The following HYDIN variants were observed in gnomAD, a reference collection of about 807,000 sequenced individuals.
HYDIN encodes axonemal central pair apparatus protein HYDIN.
Under a neutral mutation model 403.9 loss-of-function variants are expected in HYDIN, and 132 were observed. The observed-to-expected ratio is 0.33, with a 90% CI of 0.28 to 0.38. The LOEUF (loss-of-function observed/expected upper bound fraction) is 0.38, where lower values mean the gene tolerates loss of function less well. Among genes scored for constraint, HYDIN ranks in the 10% least tolerant of loss-of-function variants. The pLI is 1.00. For synonymous variants in HYDIN, 1,202 were observed against 1,891.7 expected (o/e 0.64, Z 9.46); for missense variants, 2,827 against 5,009.5 (o/e 0.56, Z 13.15).
chr16:71,222,867 C>T (rs1228643873), intron 1 of HYDIN, among the ~76,000 whole-genome samples: 1 of 152,166 alleles, frequency 6.6e-6, no homozygotes, highest in East Asian at 1.9e-4. Flanking sequence ...GATACACATC[C>T]TATGCTCACG....
At chr16:70,911,392 T>C (rs533992771) in intron 47 of HYDIN, among the ~76,000 whole-genome samples, 16 of 151,096 alleles carry the variant, frequency 1.1e-4, no homozygotes, top group Admixed American at 2.0e-4. Context: ...TTTATGTTTT[T>C]GTTTGCTTTG....
chr16:70,899,893 A>G (rs2143748021), intron 53 of HYDIN, among the ~76,000 whole-genome samples: 1 of 151,422 alleles, frequency 6.6e-6, no homozygotes, highest in East Asian at 1.9e-4. Flanking sequence ...AACAGCCAAG[A>G]CAGTGCGTGG....
intron 85 of HYDIN, 96 bp downstream of exon 85, chr16:70,809,687 G>A: frequency 1.0e-6 from 1 of 985,706 alleles, no homozygotes; most frequent in East Asian, 2.4e-5. Flanking sequence ...GAGTCTCTCT[G>A]AGTCTCACAT....
chr16:70,925,342 A>G (rs188364243), intron 45 of HYDIN, among the ~76,000 whole-genome samples: 1 of 152,258 alleles, frequency 6.6e-6, no homozygotes, highest in African/African-American at 2.4e-5. Context: ...ATCTTTCTAC[A>G]TATGGCTAGC....
intron 1 of HYDIN, among the ~76,000 whole-genome samples, chr16:71,187,507 C>T (rs1757253324): frequency 6.6e-6 from 1 of 152,160 alleles, no homozygotes; most frequent in South Asian, 2.1e-4. Context: ...TGGTAGAACA[C>T]TTGCAACTTC....
intron 28 of HYDIN, among the ~76,000 whole-genome samples, chr16:70,982,514 G>C (rs552973888): frequency 1.5e-5 from 2 of 135,342 alleles, no homozygotes; most frequent in South Asian, 2.4e-4. Flanking sequence ...ATGAACCAAC[G>C]ATCACTTAAC....
intron 50 of HYDIN, among the ~76,000 whole-genome samples, chr16:70,904,531 G>GTTTTTTTTTTTTTT (rs1567802705): frequency 1.3e-4 from 3 of 22,746 alleles, no homozygotes; most frequent in Non-Finnish European, 2.4e-4. Flanking sequence ...AGGGAGTTTC[G>GTTTTTTTTTTTTTT]TTCTTGTTGC....
intron 62 of HYDIN, among the ~76,000 whole-genome samples, chr16:70,877,627 A>C (rs1330712122): frequency 6.6e-6 from 1 of 152,184 alleles, no homozygotes; most frequent in Non-Finnish European, 1.5e-5. Flanking sequence ...TCACACGTGC[A>C]GTTCAAAATA....
intron 1 of HYDIN, among the ~76,000 whole-genome samples, chr16:71,227,523 GACAA>G (rs1184396913): frequency 2.0e-5 from 3 of 152,012 alleles, no homozygotes; most frequent in Non-Finnish European, 4.4e-5. Flanking sequence ...ACCAATAACA[GACAA>G]ACAGAGAGCC....
chr16:70,808,093 G>A (rs1353397722), intron 85 of HYDIN, 31 bp from the exon 86 acceptor site: 5 of 1,570,588 alleles, frequency 3.2e-6, no homozygotes, highest in African/African-American at 2.7e-5. Flanking sequence ...CTCAGCTCAC[G>A]TGAGATCCTG....
At chr16:71,146,080 C>T (rs2085356999) in intron 7 of HYDIN, among the ~76,000 whole-genome samples, 1 of 151,970 alleles carries the variant, frequency 6.6e-6, no homozygotes, top group Non-Finnish European at 1.5e-5. Flanking sequence ...GCTCATGTGT[C>T]AAATGTATTA....
chr16:71,122,755 A>T (rs2084308723), intron 9 of HYDIN, among the ~76,000 whole-genome samples: 2 of 151,998 alleles, frequency 1.3e-5, no homozygotes, highest in African/African-American at 4.8e-5. Context: ...TATTACTTAT[A>T]TGGTAATAAA....
At chr16:71,186,945 AACAAAT>A in intron 1 of HYDIN, 27 bp from the exon 2 acceptor site, 1 of 1,504,198 alleles carries the variant, frequency 6.6e-7, no homozygotes, top group Non-Finnish European at 9.1e-7. Flanking sequence ...AATGTCTTAG[AACAAAT>A]ACAGTTAATT....
intron 9 of HYDIN, among the ~76,000 whole-genome samples, chr16:71,126,522 G>A (rs1292690216): frequency 6.6e-6 from 1 of 152,172 alleles, no homozygotes; most frequent in African/African-American, 2.4e-5. Flanking sequence ...TGTCAGTCGT[G>A]GTAATCTTAG....
At chr16:71,009,334 C>A (rs1461860278) in intron 23 of HYDIN, among the ~76,000 whole-genome samples, 3 of 150,292 alleles carry the variant, frequency 2.0e-5, no homozygotes, top group Non-Finnish European at 2.9e-5. Flanking sequence ...GTGCCTGAAG[C>A]CTGAACCTAG....
At chr16:71,197,659 C>A (rs1686251330) in intron 1 of HYDIN, among the ~76,000 whole-genome samples, 2 of 152,184 alleles carry the variant, frequency 1.3e-5, no homozygotes, top group South Asian at 4.1e-4. Flanking sequence ...CCCCAGAAGA[C>A]CCCTCTCACC....
chr16:70,834,976 GTATATATATATATATACACACA>G (rs1461558827), intron 78 of HYDIN, among the ~76,000 whole-genome samples: 1 of 132,254 alleles, frequency 7.6e-6, no homozygotes, highest in African/African-American at 3.1e-5. Flanking sequence ...ATATATGTGT[GTATATATATATATATACACACA>G]TATATATATA....
At chr16:70,973,631 A>G in intron 34 of HYDIN, 139 bp from the exon 35 acceptor site, 1 of 394,392 alleles carries the variant, frequency 2.5e-6, no homozygotes, top group South Asian at 4.3e-5. Flanking sequence ...AAAGATGAAT[A>G]AGACATTCCA....
chr16:70,841,927 G>C (rs985839254), intron 75 of HYDIN, among the ~76,000 whole-genome samples: 2 of 150,128 alleles, frequency 1.3e-5, no homozygotes, highest in African/African-American at 5.0e-5. Flanking sequence ...GCACAAAACA[G>C]ATGAAGACAG....
Sources: gnomAD v4.1 joint callset for allele counts (sites outside exome capture counted in the v4.1 genomes callset) on GRCh38, gnomAD v4.1.1 for gene constraint, MANE v1.5 for transcripts, NCBI Gene and HGNC (gene_info 2026-07-23, HGNC 2026-07-21) for gene names.